The following DCDC1 variants were observed in gnomAD, a reference collection of about 807,000 sequenced individuals.
DCDC1 encodes the protein doublecortin domain containing 1.
DCDC1 carries 200 observed loss-of-function variants against 178.3 expected under a neutral mutation model. The observed-to-expected ratio is 1.12, with a 90% CI of 1.00 to 1.26. The LOEUF is 1.26. Ranked by LOEUF, DCDC1 falls within the 50% of genes most tolerant of loss-of-function variation. The pLI is 0.00. For synonymous variants in DCDC1, 690 were observed against 604.8 expected (o/e 1.14, Z -2.07); for missense variants, 1,983 against 1,749.2 (o/e 1.13, Z -2.38).
At chr11:31,203,144 C>T (rs1971486651) in intron 9 of DCDC1, among the ~76,000 whole-genome samples, 1 of 152,016 alleles carries the variant, frequency 6.6e-6, no homozygotes, top group South Asian at 2.1e-4. Flanking sequence ...AATAAAATGT[C>T]ATGAAAGACA....
At chr11:31,103,826 T>G (rs1455537282) in intron 13 of DCDC1, 57 bp from the exon 14 acceptor site, 1 of 739,352 alleles carries the variant, frequency 1.4e-6, no homozygotes, top group Admixed American at 1.9e-5. Flanking sequence ...CATTGTAATT[T>G]GAGCACAAAT....
Position 30,953,347 on chromosome 11 carries a change from C to A in DCDC1, c.2592-779G>T, listed in dbSNP as rs116492668. Reference sequence around the variant, plus strand: ...AATTATAAGTAAACACACATTTCTTCCCTAAAACTCTATCATACCAGATGG... The same window carrying A: ...AATTATAAGTAAACACACATTTCTTACCTAAAACTCTATCATACCAGATGG... On this transcript the variant is annotated intron_variant, in intron 20 of 38. Coordinates refer to ENST00000684477, the MANE Select transcript of DCDC1 (RefSeq NM_001387274.1). Among the ~76,000 whole-genome samples, 630 of 149,722 alleles carry A rather than the reference C, an allele frequency of 4.2e-3. 7 individuals are homozygous for A. The highest frequency in any genetic ancestry group is 0.015 in the African/African-American group (599 of 41,030).
chr11:30,943,681 C>A, intron 21 of DCDC1: 1 of 451,018 alleles, frequency 2.2e-6, no homozygotes. Flanking sequence ...TGAACTTAGT[C>A]ACAAAAGAAA....
At chr11:31,235,754 T>G (rs935804753) in intron 9 of DCDC1, among the ~76,000 whole-genome samples, 2 of 151,972 alleles carry the variant, frequency 1.3e-5, no homozygotes, top group Non-Finnish European at 2.9e-5. Context: ...CTTTCCTTTA[T>G]GAGATGCAGT....
chr11:30,947,537 T>G (rs552922686), intron 21 of DCDC1, among the ~76,000 whole-genome samples: 1 of 152,246 alleles, frequency 6.6e-6, no homozygotes, highest in African/African-American at 2.4e-5. Context: ...TAGACCCCTA[T>G]TTCTCAACAT....
intron 20 of DCDC1, among the ~76,000 whole-genome samples, chr11:30,974,823 A>G (rs1950012914): frequency 6.6e-6 from 1 of 152,116 alleles, no homozygotes. Context: ...ATTCTAAACT[A>G]TTCCCCATAA....
At chr11:31,015,505 G>T (rs1272770860) in intron 20 of DCDC1, among the ~76,000 whole-genome samples, 3 of 151,938 alleles carry the variant, frequency 2.0e-5, no homozygotes, top group African/African-American at 7.3e-5. Context: ...CTCTCCACCT[G>T]TGTTCTATCT....
At chr11:31,126,105 C>A (rs1195884781) in intron 11 of DCDC1, among the ~76,000 whole-genome samples, 6 of 151,936 alleles carry the variant, frequency 3.9e-5, no homozygotes, top group Admixed American at 3.9e-4. Flanking sequence ...CAAGTCACAC[C>A]GTAGTTCATA....
Position 30,897,080 on chromosome 11 carries a change from A to G in DCDC1, c.4765+2461T>C, listed in dbSNP as rs12418605. Among the ~76,000 whole-genome samples, 12 of 152,310 alleles carry G rather than the reference A, an allele frequency of 7.9e-5. No individual in the cohort carries two copies. In the East Asian group the frequency reaches 2.3e-3, roughly 29 times the overall value. On this transcript the variant is annotated intron_variant, in intron 34 of 38. Transcript: ENST00000684477. ...TATCCTCATAATCTCACCAGCTAGAAAAAGGCCTTCATGAGGGTAAATGTT... is the reference window on the plus strand; with the variant it reads ...TATCCTCATAATCTCACCAGCTAGAGAAAGGCCTTCATGAGGGTAAATGTT...
intron 6 of DCDC1, among the ~76,000 whole-genome samples, chr11:31,302,498 A>C (rs1212448306): frequency 2.0e-5 from 3 of 152,188 alleles, no homozygotes; most frequent in Non-Finnish European, 4.4e-5. Context: ...AATACCTAAT[A>C]AGGCAACATT....
chr11:30,946,053 C>A (rs967066172), intron 21 of DCDC1, among the ~76,000 whole-genome samples: 3 of 152,112 alleles, frequency 2.0e-5, no homozygotes, highest in Admixed American at 1.3e-4. Flanking sequence ...ATACACTTTT[C>A]CCCCTGAAGA....
At chr11:31,098,356 T>C (rs977107594) in intron 15 of DCDC1, among the ~76,000 whole-genome samples, 1 of 152,192 alleles carries the variant, frequency 6.6e-6, no homozygotes, top group Non-Finnish European at 1.5e-5. Flanking sequence ...TTCACCAAAT[T>C]GTCAATGTGT....
At chr11:30,938,964 C>T (rs1947459116) in intron 21 of DCDC1, among the ~76,000 whole-genome samples, 1 of 151,926 alleles carries the variant, frequency 6.6e-6, no homozygotes, top group African/African-American at 2.4e-5. Flanking sequence ...TTGGAGGTTT[C>T]TTTTACACCC....
chr11:31,218,242 C>G (rs1169949598), intron 9 of DCDC1, among the ~76,000 whole-genome samples: 1 of 151,634 alleles, frequency 6.6e-6, no homozygotes, highest in Admixed American at 6.6e-5. Context: ...TCACAAAAGC[C>G]AAAACACTAG....
chr11:31,141,223 T>A (rs1048787234), intron 9 of DCDC1, among the ~76,000 whole-genome samples: 1 of 152,208 alleles, frequency 6.6e-6, no homozygotes, highest in African/African-American at 2.4e-5. Flanking sequence ...TTTAAAAATC[T>A]CTTTTATAGG....
intron 9 of DCDC1, among the ~76,000 whole-genome samples, chr11:31,163,223 T>C (rs1966467596): frequency 6.6e-6 from 1 of 152,174 alleles, no homozygotes; most frequent in Admixed American, 6.6e-5. Context: ...CAAACAGTAT[T>C]TTATTTGAAA....
chr11:31,094,244 C>T, intron 15 of DCDC1, 60 bp from the exon 16 acceptor site: 1 of 739,620 alleles, frequency 1.4e-6, no homozygotes, highest in East Asian at 2.4e-5. Flanking sequence ...AACTCCTCAA[C>T]ACACTTACCC....
chr11:31,089,098 T>A (rs189572999), intron 17 of DCDC1, among the ~76,000 whole-genome samples: 1 of 152,276 alleles, frequency 6.6e-6, no homozygotes, highest in East Asian at 1.9e-4. Flanking sequence ...TCCTCTAACA[T>A]TGCTTGTCAT....
rs538793008 is a variant in DCDC1 at position 31,094,162 on chromosome 11, T to A, written c.2006A>T (p.His669Leu). Residue 669 changes from histidine (H) to leucine (L), a missense_variant, in exon 16 of 39, where the codon CAT (histidine) becomes CTT (leucine). His to Leu is a moderately conservative substitution (Grantham distance 99). Transcript: ENST00000684477. ...CCACTTTCCAATGGAAACAGAGGCATGAAGGACAATATTGGGATCTACCTG... is the reference window on the plus strand; with the variant it reads ...CCACTTTCCAATGGAAACAGAGGCAAGAAGGACAATATTGGGATCTACCTG... ...QNKVDPNIVL[H>L]ASVSIGKWSF... 6.5e-6 allele frequency: 5 copies of A among 766,212 alleles called. No individual in the cohort carries two copies. In the South Asian group the frequency reaches 6.7e-5, roughly 10 times the overall value. 47.5% of individuals were successfully genotyped at this position (766,212 alleles called of 1,614,324 possible). A position where few individuals can be genotyped will look rare whatever the true frequency, so the allele number is the denominator to read the frequency against.
Sources: allele counts gnomAD v4.1 joint callset (sites outside exome capture counted in the v4.1 genomes callset), GRCh38; gene constraint gnomAD v4.1.1; transcripts MANE v1.5; gene names NCBI Gene and HGNC (gene_info 2026-07-23, HGNC 2026-07-21).